PIKFYVE: variants seen among roughly 807,000 people sequenced by gnomAD.
PIKFYVE encodes phosphoinositide kinase, FYVE-type zinc finger containing.
PIKFYVE carries 122 observed loss-of-function variants against 257.9 expected under a neutral mutation model. The observed-to-expected ratio is 0.47, with a 90% CI of 0.41 to 0.55. PIKFYVE has a LOEUF of 0.55. Ranked by LOEUF, PIKFYVE falls within the 20% of genes least tolerant of loss-of-function variation. The pLI is 0.00. For synonymous variants in PIKFYVE, 892 were observed against 868.9 expected, an observed-to-expected ratio of 1.03 and a Z score of -0.47; for missense variants, 2,160 against 2,536.6, an observed-to-expected ratio of 0.85 and a Z score of 3.19.
chr2:208,283,701 G>A (rs922909929), intron 5 of PIKFYVE, among the ~76,000 whole-genome samples: 28 of 151,788 alleles, frequency 1.8e-4, no homozygotes, highest in African/African-American at 5.3e-4. Flanking sequence ...CTACCTCTCC[G>A]CCTCCCAAGT....
intron 35 of PIKFYVE, among the ~76,000 whole-genome samples, chr2:208,348,599 AGTGTGTGTGT>A (rs35997291): frequency 1.8e-4 from 23 of 129,000 alleles, no homozygotes; most frequent in South Asian, 2.7e-4. Context: ...AAAAAAAAAA[AGTGTGTGTGT>A]GTGTGTGTGT....
intron 20 of PIKFYVE, among the ~76,000 whole-genome samples, chr2:208,327,730 A>G (rs1697095228): frequency 6.6e-6 from 1 of 152,170 alleles, no homozygotes; most frequent in Non-Finnish European, 1.5e-5. Context: ...ATGCTTCTAT[A>G]CTGTTTCAAT....
chr2:208,269,398 G>T (rs1689114770), intron 1 of PIKFYVE: 1 of 231,604 alleles, frequency 4.3e-6, no homozygotes, highest in South Asian at 6.8e-5. Flanking sequence ...CTCATGTCCT[G>T]CCAGAACAGT....
At chr2:208,312,024 A>T (rs1694986890) in intron 12 of PIKFYVE, among the ~76,000 whole-genome samples, 1 of 152,210 alleles carries the variant, frequency 6.6e-6, no homozygotes, top group African/African-American at 2.4e-5. Context: ...TTGTGTTATT[A>T]ATGCAAGTCT....
chr2:208,329,317 A>G lies in PIKFYVE; in HGVS notation c.3720-525A>G, dbSNP rs144822949. Among the ~76,000 whole-genome samples the G allele has an allele frequency of 2.3e-4, 35 of 152,320 alleles. 2 individuals are homozygous for G. In the East Asian group the frequency reaches 6.6e-3, roughly 29 times the overall value. On this transcript the variant is annotated intron_variant, in intron 21 of 41. Coordinates refer to ENST00000264380, the MANE Select transcript of PIKFYVE (RefSeq NM_015040.4). ...CAGCAGGAAGACTTGGGAGTGGCAG[A>G]ACCCATGGGAATTATCTCTGGGAGT...
intron 2 of PIKFYVE, among the ~76,000 whole-genome samples, chr2:208,272,794 T>TAAA (rs533758485): frequency 0.03 from 4,424 of 147,068 alleles, 206 homozygotes; most frequent in African/African-American, 0.089. Context: ...CAATGATACT[T>TAAA]AAAAAAAAAA....
At chr2:208,349,998 T>G in intron 35 of PIKFYVE, 26 bp from the exon 36 acceptor site, 1 of 1,610,986 alleles carries the variant, frequency 6.2e-7, no homozygotes. Flanking sequence ...AAACCTTGGC[T>G]TTACTAATGA....
intron 12 of PIKFYVE, among the ~76,000 whole-genome samples, chr2:208,306,601 A>AGATAC (rs1694340456): frequency 6.6e-6 from 1 of 152,216 alleles, no homozygotes; most frequent in Non-Finnish European, 1.5e-5. Context: ...GAGCACAGTC[A>AGATAC]GATACTTACT....
At chr2:208,286,008 T>A (rs545825375) in intron 6 of PIKFYVE, 75 bp downstream of exon 6, 9 of 1,373,550 alleles carry the variant, frequency 6.6e-6, no homozygotes, top group Middle Eastern at 1.8e-4. Context: ...GTGCTTTCAG[T>A]TAACACTTAC....
chr2:208,302,501 T>G (rs1693815812), intron 10 of PIKFYVE, 148 bp downstream of exon 10: 1 of 738,164 alleles, frequency 1.4e-6, no homozygotes, highest in Non-Finnish European at 2.3e-6. Context: ...CTTTTTTTAC[T>G]TGGTAGGCAG....
chr2:208,269,996 A>G, intron 1 of PIKFYVE: 1 of 190,964 alleles, frequency 5.2e-6, no homozygotes, highest in Non-Finnish European at 1.2e-5. Flanking sequence ...GGATGGGGGC[A>G]CCCATCTCTT....
Position 208,290,211 on chromosome 2 carries a change from G to A in PIKFYVE, c.911+1393G>A, listed in dbSNP as rs540219442. ...TTTGGACAAATGTATAATGACGTGC[G>A]TCTGTCATTGTTGTATCCTACGGAA... is the stretch of plus-strand genomic sequence containing the variant. On this transcript the variant is annotated intron_variant, in intron 7 of 41. Coordinates refer to ENST00000264380, the MANE Select transcript of PIKFYVE (RefSeq NM_015040.4). Among the ~76,000 whole-genome samples, 20 of 152,300 alleles carry A rather than the reference G, an allele frequency of 1.3e-4. No individual in the cohort carries two copies. In the South Asian group the frequency reaches 1.7e-3, roughly 13 times the overall value.
At position 208,325,527 on chromosome 2, in the gene PIKFYVE, T is replaced by A; in HGVS notation, c.2716T>A (p.Tyr906Asn). 6.2e-7 allele frequency: 1 copy of A among 1,614,166 alleles called. No homozygotes were observed. Among genetic ancestry groups the A allele is most frequent in the Non-Finnish European group, 8.5e-7 (1 of 1,180,012 alleles). Residue 906 changes from tyrosine to asparagine, a missense_variant, in exon 20 of 42, where the codon TAC becomes AAC. This residue lies in a region of PIKFYVE where 522 missense variants were observed against 514.6 expected (regional missense o/e 1.01). Transcript: ENST00000264380. Reference sequence around the variant, plus strand: ...GCATGAGGGGGCTGTCCAAGAGCAGTACGGTGGAGGTTCCATCCCCTGGGA... The same window carrying A: ...GCATGAGGGGGCTGTCCAAGAGCAGAACGGTGGAGGTTCCATCCCCTGGGA... ...RGHEGAVQEQ[Y>N]GGGSIPWDPD... is the part of the protein sequence containing the mutation.
At chr2:208,284,755 GTTTA>G (rs920552158) in intron 5 of PIKFYVE, among the ~76,000 whole-genome samples, 1 of 151,886 alleles carries the variant, frequency 6.6e-6, no homozygotes, top group Non-Finnish European at 1.5e-5. Flanking sequence ...ATTTGTGTTG[GTTTA>G]TTTATTCTAT....
At chr2:208,285,081 GTTTTGTTTTA>G (rs1157460946) in intron 5 of PIKFYVE, among the ~76,000 whole-genome samples, 17 of 151,914 alleles carry the variant, frequency 1.1e-4, no homozygotes, top group Non-Finnish European at 2.4e-4. Flanking sequence ...GTTTTGTTTT[GTTTTGTTTTA>G]TTTTATTTAT....
chr2:208,356,031 A>G lies in PIKFYVE; in HGVS notation c.*726A>G, dbSNP rs187372575. 6.6e-6 allele frequency: 1 copy of G among 152,504 alleles called. No individual in the cohort carries two copies. Among genetic ancestry groups the G allele is most frequent in the African/African-American group, 2.4e-5 (1 of 41,442 alleles). The allele number at this position is 152,504 out of a possible 1,614,324, so 9.4% of individuals were successfully genotyped here. The stretch of plus-strand genomic sequence containing the variant: ...TGTTTAAAATTTTTGTGCAATTCAT[A>G]TATTAAATTGCACTTACTTGCATAC... On this transcript the variant is annotated 3_prime_UTR_variant, in exon 42 of 42. Transcript: ENST00000264380.
intron 5 of PIKFYVE, among the ~76,000 whole-genome samples, chr2:208,282,500 G>A (rs1690944032): frequency 6.6e-6 from 1 of 152,222 alleles, no homozygotes; most frequent in Non-Finnish European, 1.5e-5. Flanking sequence ...AGGCCAGTAG[G>A]CTGGAAACTC....
chr2:208,291,540 G>T (rs891879971), intron 7 of PIKFYVE, among the ~76,000 whole-genome samples: 9 of 152,208 alleles, frequency 5.9e-5, no homozygotes, highest in African/African-American at 2.2e-4. Flanking sequence ...ATTTTGTGGA[G>T]AATTGACATA....
At position 208,271,241 on chromosome 2, in the gene PIKFYVE, T is replaced by C. The variant is rs181227597; in HGVS notation, c.-9-270T>C. ...CATTAATGCTTTACCTCCAAATTTT[T>C]ATTAATTTAAATCTTTTCTATAATT... On this transcript the variant is annotated intron_variant, in intron 1 of 41. Transcript: ENST00000264380. 4.6e-5 allele frequency among the ~76,000 whole-genome samples: 7 copies of C among 152,332 alleles called. No homozygotes were observed. The East Asian group carries it at 1.3e-3, about 29-fold the overall frequency.
Sources: allele counts gnomAD v4.1 joint callset (sites outside exome capture counted in the v4.1 genomes callset), GRCh38; gene constraint gnomAD v4.1.1; regional missense constraint gnomAD v4.1.1; transcripts MANE v1.5; gene names NCBI Gene and HGNC (gene_info 2026-07-23, HGNC 2026-07-21).